Variants in NEDD4L observed in about 807,000 individuals in gnomAD.
NEDD4L encodes NEDD4 like E3 ubiquitin protein ligase.
In NEDD4L, 54 loss-of-function variants were observed where a neutral mutation model predicts 148.9. The ratio of observed to expected loss-of-function variants is 0.36; its 90% CI spans 0.29 to 0.45. The LOEUF (loss-of-function observed/expected upper bound fraction) is 0.45, where lower values mean the gene tolerates loss of function less well. NEDD4L is among the 20% of genes least tolerant of loss of function. NEDD4L has a pLI of 1.00. For synonymous variants in NEDD4L, 433 were observed against 440.7 expected, an observed-to-expected ratio of 0.98 and a Z score of 0.22; for missense variants, 856 against 1,233.8, an observed-to-expected ratio of 0.69 and a Z score of 4.59.
chr18:58,275,505 C>T (rs1006820779), intron 5 of NEDD4L, among the ~76,000 whole-genome samples: 12 of 152,186 alleles, frequency 7.9e-5, no homozygotes, highest in African/African-American at 2.9e-4. Flanking sequence ...AATAATCTCC[C>T]ATTTCTTGGG....
At chr18:58,182,610 T>C (rs942682369) in intron 2 of NEDD4L, among the ~76,000 whole-genome samples, 5 of 148,684 alleles carry the variant, frequency 3.4e-5, no homozygotes, top group African/African-American at 7.5e-5. Flanking sequence ...GCCTCCCAGG[T>C]AGCTGGGACT....
intron 25 of NEDD4L, among the ~76,000 whole-genome samples, chr18:58,384,119 C>A (rs1011755328): frequency 6.6e-6 from 1 of 152,212 alleles, no homozygotes; most frequent in Non-Finnish European, 1.5e-5. Context: ...GCTAGGCTCC[C>A]TCCTTTCTTC....
intron 2 of NEDD4L, among the ~76,000 whole-genome samples, chr18:58,201,301 C>G (rs1193634872): frequency 6.6e-6 from 1 of 152,036 alleles, no homozygotes; most frequent in Non-Finnish European, 1.5e-5. Flanking sequence ...CCACTGTACT[C>G]CAGCTTGGGT....
intron 2 of NEDD4L, among the ~76,000 whole-genome samples, chr18:58,226,237 A>G (rs572454948): frequency 3.3e-5 from 5 of 152,292 alleles, no homozygotes; most frequent in Admixed American, 1.3e-4. Flanking sequence ...CTCAGAGAGA[A>G]TTAATTATTC....
intron 30 of NEDD4L, among the ~76,000 whole-genome samples, chr18:58,392,348 C>T (rs914432090): frequency 2.0e-5 from 3 of 152,186 alleles, no homozygotes; most frequent in Admixed American, 6.5e-5. Flanking sequence ...TCTCATGCAG[C>T]GGGGGCTGCA....
Position 58,343,054 on chromosome 18 carries a change from C to T in NEDD4L, c.1526C>T (p.Pro509Leu). ...LPPGWEMRIA[P>L]NGRPFFIDHN... is the part of the protein sequence containing the mutation. ...CCCGGCTGGGAAATGAGGATAGCGC[C>T]AAACGGCCGGCCCTTCTTCATTGAT... The change falls in exon 16 of 31, where the codon CCA becomes CTA. Residue 509 changes from proline to leucine, a missense_variant. Physicochemically the swap from Pro to Leu is moderately conservative, Grantham distance 98. Transcript: ENST00000400345. The T allele has an allele frequency of 6.2e-7, 1 of 1,612,804 alleles. No individual in the cohort carries two copies. The highest frequency in any genetic ancestry group is 8.5e-7 in the Non-Finnish European group (1 of 1,179,308).
intron 1 of NEDD4L, among the ~76,000 whole-genome samples, chr18:58,056,422 A>G (rs1301238204): frequency 1.3e-5 from 2 of 152,146 alleles, no homozygotes; most frequent in South Asian, 2.1e-4. Flanking sequence ...TGATGTCTCA[A>G]TTAGGAAATG....
At chr18:58,259,873 T>A (rs1180145711) in intron 5 of NEDD4L, among the ~76,000 whole-genome samples, 1 of 152,220 alleles carries the variant, frequency 6.6e-6, no homozygotes, top group Non-Finnish European at 1.5e-5. Context: ...CTCTTGTGAT[T>A]AAAAATTACT....
intron 1 of NEDD4L, among the ~76,000 whole-genome samples, chr18:58,056,894 CTTTT>C (rs74183230): frequency 1.6e-5 from 2 of 121,616 alleles, no homozygotes; most frequent in African/African-American, 2.9e-5. Context: ...GCTATGCCCT[CTTTT>C]TTTTTTTTTT....
At chr18:58,189,703 G>C (rs185903861) in intron 2 of NEDD4L, 57 of 152,330 alleles carry the variant, frequency 3.7e-4, no homozygotes, top group African/African-American at 1.3e-3. Context: ...CTCGTCTGTT[G>C]TAACTAATGG....
chr18:58,188,303 A>G (rs1251738716), intron 2 of NEDD4L, among the ~76,000 whole-genome samples: 1 of 152,250 alleles, frequency 6.6e-6, no homozygotes, highest in East Asian at 1.9e-4. Flanking sequence ...CCCTAGCACC[A>G]GTGGTGCTCA....
intron 1 of NEDD4L, among the ~76,000 whole-genome samples, chr18:58,112,886 G>A (rs76933812): frequency 0.068 from 10,393 of 152,282 alleles, 492 homozygotes; most frequent in Admixed American, 0.14. Flanking sequence ...GTATTAGGAG[G>A]TGGGGCCTTT....
rs543762464 is a variant in NEDD4L, at chr18:58,342,299, G to A, written c.1377+502G>A. Among the ~76,000 whole-genome samples the A allele has an allele frequency of 4.6e-5, 7 of 152,250 alleles. No individual in the cohort carries two copies. In the East Asian group the frequency reaches 1.3e-3, roughly 29 times the overall value. On this transcript the variant is annotated intron_variant, in intron 15 of 30. Transcript: ENST00000400345. ...TCTGCTTGTGCTCTCTGTCGTGTTT[G>A]TGTTGTTTTGGTGCCATCCTTTAAC...
In NEDD4L at chr18:58,044,472, G is replaced by A. The variant is rs1598897140; in HGVS notation, c.-189G>A. On this transcript the variant is annotated 5_prime_UTR_variant, in exon 1 of 31. Coordinates refer to ENST00000400345, the MANE Select transcript of NEDD4L (RefSeq NM_001144967.3). ...GTCCCGCAGCCTTCCGGGAGGAAGC[G>A]GTGCCGGCAGCGTCCAGGGCGCGCT... The A allele has an allele frequency of 4.6e-6, 3 of 645,488 alleles. No homozygotes were observed. The East Asian group carries it at 1.2e-4, about 25-fold the overall frequency. 40.0% of individuals were successfully genotyped at this position (645,488 alleles called of 1,614,324 possible). A position where few individuals can be genotyped will look rare whatever the true frequency, so the allele number is the denominator to read the frequency against.
Position 58,262,228 on chromosome 18 carries a change from A to G in NEDD4L, c.297+10174A>G, listed in dbSNP as rs117767298. Among the ~76,000 whole-genome samples the G allele has an allele frequency of 8.3e-3, 1,268 of 152,350 alleles. 10 individuals carry two copies. The highest frequency in any genetic ancestry group is 0.013 in the Non-Finnish European group (866 of 68,036). ...AGCAGGTATTGCAGAATGTCTATAC[A>G]TTTCTGGGCAGGTGGAGATTATTGA... On this transcript the variant is annotated intron_variant, in intron 5 of 30. Transcript: ENST00000400345.
At chr18:58,346,301 A>T (rs543077146) in intron 16 of NEDD4L, among the ~76,000 whole-genome samples, 1 of 152,192 alleles carries the variant, frequency 6.6e-6, no homozygotes, top group Non-Finnish European at 1.5e-5. Flanking sequence ...TCAAGCAATA[A>T]ATGCTTATTG....
intron 2 of NEDD4L, among the ~76,000 whole-genome samples, chr18:58,169,093 C>T (rs905255417): frequency 6.6e-6 from 1 of 152,234 alleles, no homozygotes; most frequent in African/African-American, 2.4e-5. Context: ...TCTCTCCTAG[C>T]TGGAGGTGGC....
At chr18:58,254,479 G>T (rs2048275122) in intron 5 of NEDD4L, among the ~76,000 whole-genome samples, 1 of 147,572 alleles carries the variant, frequency 6.8e-6, no homozygotes, top group Non-Finnish European at 1.5e-5. Context: ...CCCAACTGTG[G>T]TAATATTGCT....
chr18:58,183,940 C>T (rs899061145), intron 2 of NEDD4L, among the ~76,000 whole-genome samples: 26 of 152,148 alleles, frequency 1.7e-4, no homozygotes, highest in Non-Finnish European at 2.9e-4. Context: ...GAGGCCAAGG[C>T]GGGCGGATCA....
Sources: gnomAD v4.1 joint callset for allele counts (sites outside exome capture counted in the v4.1 genomes callset) on GRCh38, gnomAD v4.1.1 for gene constraint, MANE v1.5 for transcripts, NCBI Gene and HGNC (gene_info 2026-07-23, HGNC 2026-07-21) for gene names.